DYRK1A: variants seen among roughly 807,000 people sequenced by gnomAD.
The protein encoded by DYRK1A is dual specificity tyrosine-phosphorylation-regulated kinase 1A.
In DYRK1A, 9 loss-of-function variants were observed where a neutral mutation model predicts 79.7. The ratio of observed to expected loss-of-function variants is 0.11; its 90% CI spans 0.07 to 0.20. The LOEUF is 0.20. Among genes scored for constraint, DYRK1A ranks in the 10% least tolerant of loss-of-function variants. The probability of loss-of-function intolerance (pLI) is 1.00; values close to 1 mark genes in which losing one functional copy is unlikely to be tolerated. For synonymous variants in DYRK1A, 349 were observed against 329.7 expected (o/e 1.06, Z -0.63); for missense variants, 622 against 956.0 (o/e 0.65, Z 4.61).
intron 2 of DYRK1A, 97 bp downstream of exon 2, chr21:37,420,481 TAGTG>T: frequency 8.0e-7 from 1 of 1,256,758 alleles, no homozygotes; most frequent in Non-Finnish European, 1.2e-6. Flanking sequence ...AAATAGCAGT[TAGTG>T]GGGGGAATTG....
At chr21:37,432,372 A>G (rs979305730) in intron 2 of DYRK1A, among the ~76,000 whole-genome samples, 1 of 152,170 alleles carries the variant, frequency 6.6e-6, no homozygotes, top group African/African-American at 2.4e-5. Flanking sequence ...GAAGTAGGGG[A>G]CAAAAAAGAA....
intron 8 of DYRK1A, among the ~76,000 whole-genome samples, chr21:37,495,336 C>G (rs1169600011): frequency 6.6e-6 from 1 of 151,888 alleles, no homozygotes; most frequent in Non-Finnish European, 1.5e-5. Context: ...ATGGTAAAAC[C>G]CCATCTCCAC....
chr21:37,405,512 AC>A (rs1298012195), intron 1 of DYRK1A, among the ~76,000 whole-genome samples: 1 of 151,970 alleles, frequency 6.6e-6, no homozygotes, highest in Non-Finnish European at 1.5e-5. Flanking sequence ...CCAGATCCCC[AC>A]CCACCTATTA....
At chr21:37,417,849 A>G (rs192254818) in intron 1 of DYRK1A, among the ~76,000 whole-genome samples, 2 of 152,282 alleles carry the variant, frequency 1.3e-5, no homozygotes, top group East Asian at 3.9e-4. Flanking sequence ...GAGCTAGAAC[A>G]TACTGTAGAA....
At chr21:37,393,901 C>A (rs1006283344) in intron 1 of DYRK1A, among the ~76,000 whole-genome samples, 1 of 152,208 alleles carries the variant, frequency 6.6e-6, no homozygotes, top group Non-Finnish European at 1.5e-5. Context: ...GGTTTCCCCA[C>A]AAGTGCGCAA....
chr21:37,492,160 A>G (rs2098037454), intron 7 of DYRK1A, among the ~76,000 whole-genome samples: 1 of 152,208 alleles, frequency 6.6e-6, no homozygotes, highest in African/African-American at 2.4e-5. Context: ...CAGTTCTTTT[A>G]AATTAGACTT....
At chr21:37,481,058 T>C in intron 5 of DYRK1A, 1 of 426,444 alleles carries the variant, frequency 2.3e-6, no homozygotes, top group African/African-American at 2.0e-5. Context: ...CTCATTTTAC[T>C]AATGACTGGT....
chr21:37,495,662 G>A (rs2053245870), intron 8 of DYRK1A, among the ~76,000 whole-genome samples: 1 of 152,084 alleles, frequency 6.6e-6, no homozygotes, highest in Non-Finnish European at 1.5e-5. Flanking sequence ...GGTGGTACAT[G>A]CCTGTAGTCC....
chr21:37,487,415 CCTT>C (rs1179649370), intron 6 of DYRK1A: 3 of 152,144 alleles, frequency 2.0e-5, no homozygotes, highest in Non-Finnish European at 4.4e-5. Flanking sequence ...TTCTAGTACA[CCTT>C]CTTTCGCAGT....
chr21:37,405,164 GC>G (rs2050125620), intron 1 of DYRK1A, among the ~76,000 whole-genome samples: 2 of 152,038 alleles, frequency 1.3e-5, no homozygotes, highest in Non-Finnish European at 2.9e-5. Flanking sequence ...TGAAGATGAG[GC>G]CCACTGAGAG....
intron 1 of DYRK1A, among the ~76,000 whole-genome samples, chr21:37,382,038 T>C (rs954825978): frequency 7.9e-5 from 12 of 152,238 alleles, no homozygotes; most frequent in Admixed American, 7.2e-4. Context: ...TGTTTGAATA[T>C]AGTTTTATAA....
intron 1 of DYRK1A, among the ~76,000 whole-genome samples, chr21:37,385,997 C>G (rs2049752355): frequency 1.3e-5 from 2 of 152,108 alleles, no homozygotes; most frequent in Non-Finnish European, 2.9e-5. Context: ...CTTTATTAAG[C>G]TTGCCCTGAG....
At chr21:37,461,301 C>T (rs1457811983) in intron 2 of DYRK1A, among the ~76,000 whole-genome samples, 1 of 152,190 alleles carries the variant, frequency 6.6e-6, no homozygotes, top group Non-Finnish European at 1.5e-5. Context: ...ACCACAACTA[C>T]TTTTACACCA....
chr21:37,430,225 C>G, intron 2 of DYRK1A: 2 of 903,550 alleles, frequency 2.2e-6, no homozygotes, highest in Middle Eastern at 5.6e-4. Flanking sequence ...TGTTCACTTA[C>G]ACATCTTTCT....
chr21:37,456,717 T>C (rs1316637393), intron 2 of DYRK1A, among the ~76,000 whole-genome samples: 4 of 152,154 alleles, frequency 2.6e-5, no homozygotes, highest in South Asian at 2.1e-4. Context: ...CCTTCCCACC[T>C]CAGCCACCAT....
At chr21:37,379,653 CTG>C (rs1294998292) in intron 1 of DYRK1A, among the ~76,000 whole-genome samples, 3 of 152,116 alleles carry the variant, frequency 2.0e-5, no homozygotes, top group Non-Finnish European at 4.4e-5. Flanking sequence ...ATGTTTGAAG[CTG>C]TGAATCTGTA....
intron 2 of DYRK1A, among the ~76,000 whole-genome samples, chr21:37,459,738 T>G (rs2051776148): frequency 6.6e-6 from 1 of 152,202 alleles, no homozygotes; most frequent in Non-Finnish European, 1.5e-5. Context: ...TCATCTGGTT[T>G]GTTGTTTCTT....
At chr21:37,507,443 G>A (rs2053629940) in intron 11 of DYRK1A, among the ~76,000 whole-genome samples, 1 of 152,076 alleles carries the variant, frequency 6.6e-6, no homozygotes, top group African/African-American at 2.4e-5. Context: ...TGCTACCTGT[G>A]GTCTTTGTCT....
At chr21:37,432,915 G>A (rs1309804599) in intron 2 of DYRK1A, among the ~76,000 whole-genome samples, 2 of 150,978 alleles carry the variant, frequency 1.3e-5, no homozygotes, top group African/African-American at 4.9e-5. Context: ...GGCGGAAGTT[G>A]CAGTGAGCCG....
Sources: allele counts gnomAD v4.1 joint callset (sites outside exome capture counted in the v4.1 genomes callset), GRCh38; gene constraint gnomAD v4.1.1; transcripts MANE v1.5; gene names NCBI Gene and HGNC (gene_info 2026-07-23, HGNC 2026-07-21).